RGL1: variants seen among roughly 807,000 people sequenced by gnomAD.
RGL1 encodes ral guanine nucleotide dissociation stimulator-like 1.
Under a neutral mutation model 95.2 loss-of-function variants are expected in RGL1, and 24 were observed. The observed-to-expected ratio is 0.25, with a 90% confidence interval of 0.18 to 0.35. The LOEUF (loss-of-function observed/expected upper bound fraction) is 0.35. Among genes scored for constraint, RGL1 ranks in the 10% least tolerant of loss-of-function variants. The pLI, the probability that RGL1 is intolerant of heterozygous loss-of-function variation, is 1.00. For synonymous variants in RGL1, 329 were observed against 344.9 expected (o/e 0.95, Z 0.51); for missense variants, 715 against 936.3 (o/e 0.76, Z 3.08).
At chr1:183,881,042 G>C (rs774162282) in intron 5 of RGL1, among the ~76,000 whole-genome samples, 2 of 152,162 alleles carry the variant, frequency 1.3e-5, no homozygotes, top group African/African-American at 2.4e-5. Context: ...TCATTTTATG[G>C]ATGAGGAAAC....
At chr1:183,684,618 C>T (rs750884851) in intron 1 of RGL1, among the ~76,000 whole-genome samples, 15 of 152,288 alleles carry the variant, frequency 9.8e-5, no homozygotes, top group Admixed American at 2.6e-4. Flanking sequence ...CACTGGTGTT[C>T]CAGGCGCCAC....
chr1:183,881,981 G>T (rs1471090475), intron 5 of RGL1, among the ~76,000 whole-genome samples: 1 of 152,204 alleles, frequency 6.6e-6, no homozygotes, highest in Admixed American at 6.5e-5. Flanking sequence ...TTGGGGAACC[G>T]GTGGGACCAG....
At chr1:183,904,187 C>T (rs183715833) in intron 12 of RGL1, among the ~76,000 whole-genome samples, 204 of 152,220 alleles carry the variant, frequency 1.3e-3, no homozygotes, top group African/African-American at 4.4e-3. Context: ...ATTGAAACAT[C>T]CAAATAAGTA....
At chr1:183,750,245 G>T (rs887203579) in intron 2 of RGL1, among the ~76,000 whole-genome samples, 1 of 152,140 alleles carries the variant, frequency 6.6e-6, no homozygotes, top group African/African-American at 2.4e-5. Flanking sequence ...TTCTTTGGAG[G>T]CTTTGTTCAT....
intron 2 of RGL1, among the ~76,000 whole-genome samples, chr1:183,823,226 C>T (rs1662617017): frequency 6.6e-6 from 1 of 152,140 alleles, no homozygotes; most frequent in South Asian, 2.1e-4. Context: ...AATTAGGCCT[C>T]TATAAATATA....
chr1:183,679,484 G>A (rs1373364637), intron 1 of RGL1, among the ~76,000 whole-genome samples: 1 of 149,588 alleles, frequency 6.7e-6, no homozygotes, highest in Non-Finnish European at 1.5e-5. Flanking sequence ...AGAACATGCG[G>A]CGTTCAGTTT....
intron 9 of RGL1, among the ~76,000 whole-genome samples, chr1:183,892,731 G>A (rs1195557021): frequency 6.6e-6 from 1 of 152,192 alleles, no homozygotes; most frequent in Non-Finnish European, 1.5e-5. Flanking sequence ...AAATATGAAG[G>A]TGACTAACAC....
chr1:183,916,555 A>C lies in RGL1; in HGVS notation c.1858A>C (p.Asn620His), dbSNP rs562099169. ...CTCCTCCCCTCCGTCCTGCAACAAC[A>C]ACCCCAAAATCCACAAGCGCTCTGT... ...PLSSPPSCNN[N>H]PKIHKRSVSV... Residue 620 changes from asparagine (N) to histidine (H), a missense_variant, in exon 16 of 18, where the codon AAC becomes CAC. Coordinates refer to ENST00000360851, the MANE Select transcript of RGL1 (RefSeq NM_001297671.3). The C allele has an allele frequency of 1.2e-6, 2 of 1,611,502 alleles. No individual in the cohort carries two copies. The highest frequency in any genetic ancestry group is 1.1e-5 in the South Asian group (1 of 90,914).
intron 1 of RGL1, among the ~76,000 whole-genome samples, chr1:183,702,079 A>G (rs918697153): frequency 6.6e-6 from 1 of 152,260 alleles, no homozygotes; most frequent in Non-Finnish European, 1.5e-5. Context: ...GACACAAAAG[A>G]AGCCTGAACA....
intron 2 of RGL1, among the ~76,000 whole-genome samples, chr1:183,752,157 A>G (rs941459377): frequency 6.6e-6 from 1 of 152,148 alleles, no homozygotes; most frequent in African/African-American, 2.4e-5. Context: ...GTACCAATTT[A>G]TGCTCTCATC....
chr1:183,774,637 C>T (rs988957160), intron 2 of RGL1, among the ~76,000 whole-genome samples: 1 of 140,930 alleles, frequency 7.1e-6, no homozygotes, highest in East Asian at 2.1e-4. Context: ...AGTGCACTGG[C>T]ATGATCTCGG....
intron 1 of RGL1, among the ~76,000 whole-genome samples, chr1:183,720,487 G>T (rs1367277620): frequency 1.3e-5 from 2 of 152,202 alleles, no homozygotes; most frequent in Non-Finnish European, 2.9e-5. Context: ...TGACCCAGCG[G>T]TGCTGCCAAT....
chr1:183,760,485 G>A (rs771070526), intron 2 of RGL1, among the ~76,000 whole-genome samples: 11 of 151,090 alleles, frequency 7.3e-5, no homozygotes, highest in African/African-American at 2.4e-4. Flanking sequence ...TCATCCCAGC[G>A]CTGTGGGAGG....
chr1:183,721,291 A>G (rs1010607408), intron 1 of RGL1, among the ~76,000 whole-genome samples: 15 of 152,194 alleles, frequency 9.9e-5, no homozygotes, highest in African/African-American at 3.6e-4. Flanking sequence ...TGACCTGCAA[A>G]TCCATTCCAC....
Position 183,897,351 on chromosome 1 carries a change from T to A in RGL1, c.1141-457T>A, listed in dbSNP as rs1667757798. On this transcript the variant is annotated intron_variant, in intron 9 of 17. Coordinates refer to ENST00000360851, the MANE Select transcript of RGL1 (RefSeq NM_001297671.3). ...GAGTTCAAGACCAGCCTGGCCAACA[T>A]GGCGAAACCCCATCTCTACTAAAAA... 3.9e-5 allele frequency among the ~76,000 whole-genome samples: 6 copies of A among 152,192 alleles called. No individual in the cohort carries two copies. In the South Asian group the frequency reaches 1.2e-3, roughly 32 times the overall value.
At chr1:183,848,490 C>G (rs1664598727) in intron 3 of RGL1, among the ~76,000 whole-genome samples, 1 of 152,184 alleles carries the variant, frequency 6.6e-6, no homozygotes, top group Non-Finnish European at 1.5e-5. Flanking sequence ...GAATCCTCAT[C>G]TAAATCCTTA....
At chr1:183,681,636 C>CT (rs1191513920) in intron 1 of RGL1, among the ~76,000 whole-genome samples, 1 of 152,100 alleles carries the variant, frequency 6.6e-6, no homozygotes, top group Non-Finnish European at 1.5e-5. Flanking sequence ...CTGAAATTTT[C>CT]TTTTTTTGTT....
At chr1:183,765,821 A>G (rs1024102553) in intron 2 of RGL1, among the ~76,000 whole-genome samples, 1 of 152,230 alleles carries the variant, frequency 6.6e-6, no homozygotes, top group African/African-American at 2.4e-5. Context: ...ATAGTCAAAG[A>G]CACAATTGAC....
intron 2 of RGL1, among the ~76,000 whole-genome samples, chr1:183,752,729 T>G (rs1658101749): frequency 6.8e-6 from 1 of 147,926 alleles, no homozygotes. Context: ...TCTTTGGCCT[T>G]AAGATGTCTT....
Sources: allele counts gnomAD v4.1 joint callset (sites outside exome capture counted in the v4.1 genomes callset), GRCh38; gene constraint gnomAD v4.1.1; transcripts MANE v1.5; gene names NCBI Gene and HGNC (gene_info 2026-07-23, HGNC 2026-07-21).